The following SEC14L6 variants were observed in gnomAD, a reference collection of about 807,000 sequenced individuals.
SEC14L6 encodes SEC14-like protein 6.
SEC14L6 carries 40 observed loss-of-function variants against 54.1 expected under a neutral mutation model. That is an observed-to-expected ratio of 0.74 (90% CI 0.57 to 0.96). The LOEUF is 0.96. Ranked by LOEUF, SEC14L6 falls within the 40% of genes least tolerant of loss-of-function variation. The probability of loss-of-function intolerance (pLI) is 0.00; values close to 1 mark genes in which losing one functional copy is unlikely to be tolerated. For synonymous variants in SEC14L6, 171 were observed against 198.4 expected, an observed-to-expected ratio of 0.86 and a Z score of 1.16; for missense variants, 471 against 498.3, an observed-to-expected ratio of 0.95 and a Z score of 0.52.
At chr22:30,541,401 GTAATCCCAATACT>G in intron 1 of SEC14L6, among the ~76,000 whole-genome samples, 1 of 152,192 alleles carries the variant, frequency 6.6e-6, no homozygotes, top group East Asian at 1.9e-4. Flanking sequence ...GCTCACGCCT[GTAATCCCAATACT>G]TTGGGAAGCC....
chr22:30,532,050 C>T, intron 5 of SEC14L6, 52 bp from the exon 6 acceptor site: 2 of 1,534,754 alleles, frequency 1.3e-6, no homozygotes, highest in South Asian at 2.5e-5. Flanking sequence ...TGCCCCCACC[C>T]ATCCAAGATG....
In SEC14L6 at chr22:30,532,699, G is replaced by A. The variant is rs1460854714; in HGVS notation, c.249C>T (p.Tyr83=). Residue 83 remains tyrosine (Y), a synonymous_variant, in exon 5 of 12, where the codon TAC becomes TAT. Coordinates refer to ENST00000402034, the MANE Select transcript of SEC14L6 (RefSeq NM_001193336.4). Reference sequence around the variant, plus strand: ...CGTGGCCGCATATGCCGTTAGCGTTGTACAGCCTGACCACCTGGATGCATA... The same window carrying A: ...CGTGGCCGCATATGCCGTTAGCGTTATACAGCCTGACCACCTGGATGCATA... ...AWQPPEVVRL[Y]NANGICGHDG... The A allele has an allele frequency of 1.3e-6, 2 of 1,563,222 alleles. No individual in the cohort carries two copies. The highest frequency in any genetic ancestry group is 1.4e-5 in the African/African-American group (1 of 73,584).
Position 30,528,422 on chromosome 22 carries a change from C to CTTTTT in SEC14L6, c.664+660_664+664dup, listed in dbSNP as rs375073961. Reference sequence around the variant, plus strand: ...AGGCGTGAACCACCGCGCTCGGCCTCTTTTTTTTTTTTTTTTTTTGAGATA... The same window carrying CTTTTT: ...AGGCGTGAACCACCGCGCTCGGCCTCTTTTTTTTTTTTTTTTTTTTTTTTGAGATA... On this transcript the variant is annotated intron_variant, in intron 8 of 11. Coordinates refer to ENST00000402034, the MANE Select transcript of SEC14L6 (RefSeq NM_001193336.4). 3.8e-5 allele frequency among the ~76,000 whole-genome samples: 4 copies of CTTTTT among 105,536 alleles called. 1 individual carries two copies. Among genetic ancestry groups the CTTTTT allele is most frequent in the South Asian group, 3.2e-4 (1 of 3,148 alleles). 69.2% of individuals were successfully genotyped at this position (105,536 alleles called of 152,430 possible).
chr22:30,532,827 C>T lies in SEC14L6; in HGVS notation c.204G>A (p.Leu68=), dbSNP rs1350370411. The part of the protein sequence containing the change: ...KHMEFRKQQD[L]ANILAWQPPE... ...GGGGCTGCCAGGCAAGGATGTTGGC[C>T]AGGTCTTGTTGCTTCCGGAACTCCA... Residue 68 remains leucine (L), a synonymous_variant, in exon 4 of 12, where the codon CTG becomes CTA. Coordinates refer to ENST00000402034, the MANE Select transcript of SEC14L6 (RefSeq NM_001193336.4). 7 of 1,613,744 alleles carry T rather than the reference C, an allele frequency of 4.3e-6. No homozygotes were observed. Among genetic ancestry groups the T allele is most frequent in the South Asian group, 1.1e-5 (1 of 91,062 alleles).
In SEC14L6 at chr22:30,529,100, C is replaced by T. The variant is rs907312741; in HGVS notation, c.651G>A (p.Val217=). 5.2e-6 allele frequency: 8 copies of T among 1,551,026 alleles called. No homozygotes were observed. In the African/African-American group the frequency reaches 9.6e-5, roughly 19 times the overall value. The change falls in exon 8 of 12, where the codon GTG becomes GTA. Residue 217 remains valine (V), a synonymous_variant. Coordinates refer to ENST00000402034, the MANE Select transcript of SEC14L6 (RefSeq NM_001193336.4). ...GGGCTCACTCACCTCCGAGAATCAC[C>T]ACCTTCCTGCGTGTCTCTTCACTCA... ...SYMSEETRRK[V]VILGDNWKQE... is the part of the protein sequence containing the mutation.
At chr22:30,525,132 A>C (rs1234773354) in intron 11 of SEC14L6, 23 bp from the exon 12 acceptor site, 1 of 1,407,392 alleles carries the variant, frequency 7.1e-7, no homozygotes. Flanking sequence ...ACAGACATTC[A>C]GACAAGATGC....
At chr22:30,543,831 C>A (rs966195752) in intron 1 of SEC14L6, 2 of 1,507,444 alleles carry the variant, frequency 1.3e-6, no homozygotes, top group Non-Finnish European at 1.8e-6. Flanking sequence ...GAAAAATAAC[C>A]CAGGACACAA....
At chr22:30,545,779 T>G (rs1282102990) in intron 1 of SEC14L6, among the ~76,000 whole-genome samples, 1 of 152,162 alleles carries the variant, frequency 6.6e-6, no homozygotes, top group African/African-American at 2.4e-5. Flanking sequence ...TCATTAAACT[T>G]TACTTCAATT....
intron 1 of SEC14L6, among the ~76,000 whole-genome samples, chr22:30,542,282 G>A (rs1479054864): frequency 6.6e-6 from 1 of 152,204 alleles, no homozygotes; most frequent in Non-Finnish European, 1.5e-5. Flanking sequence ...CTCTTGGGGA[G>A]GGTTAAAAGG....
intron 1 of SEC14L6, chr22:30,544,042 T>C: frequency 6.5e-7 from 1 of 1,549,536 alleles, no homozygotes; most frequent in Non-Finnish European, 8.9e-7. Flanking sequence ...GCCCGAGCTG[T>C]CCTTCTCAGA....
Position 30,532,500 on chromosome 22 carries a change from G to A in SEC14L6, c.423+25C>T, listed in dbSNP as rs11704303. ...GGTGAGGGTGCTGTGTCCGGCTGCA[G>A]CTGCCCAGGGTGGCACCCACACACC... On this transcript the variant is annotated intron_variant, in intron 5 of 11. Transcript: ENST00000402034. The A allele has an allele frequency of 2.6e-6, 4 of 1,532,280 alleles. No homozygotes were observed. In the Admixed American group the frequency reaches 8.0e-5, roughly 31 times the overall value. The allele number at this position is 1,532,280 out of a possible 1,614,324, so 94.9% of individuals were successfully genotyped here.
intron 8 of SEC14L6, among the ~76,000 whole-genome samples, chr22:30,528,470 CT>C (rs1936856217): frequency 7.0e-6 from 1 of 142,044 alleles, no homozygotes; most frequent in Non-Finnish European, 1.5e-5. Context: ...GTCACTCAAG[CT>C]GGAGTTTAGT....
At chr22:30,529,411 G>A (rs1299413465) in intron 6 of SEC14L6, 62 bp from the exon 7 acceptor site, 13 of 1,352,106 alleles carry the variant, frequency 9.6e-6, no homozygotes, top group Middle Eastern at 3.6e-4. Flanking sequence ...ATCCCCTCTC[G>A]CCCCACCCTC....
At position 30,532,678 on chromosome 22, in the gene SEC14L6, G is replaced by C. The variant is rs937316122; in HGVS notation, c.270C>G (p.Gly90=). The C allele has an allele frequency of 2.6e-6, 4 of 1,553,350 alleles. No individual in the cohort carries two copies. The highest frequency in any genetic ancestry group is 3.5e-6 in the Non-Finnish European group (4 of 1,148,458). ...AGACAGGGCTGCCCTCACCGTCGTGGCCGCATATGCCGTTAGCGTTGTACA... is the reference window on the plus strand; with the variant it reads ...AGACAGGGCTGCCCTCACCGTCGTGCCCGCATATGCCGTTAGCGTTGTACA... The part of the protein sequence containing the change: ...VRLYNANGIC[G]HDGEGSPVWY... The change falls in exon 5 of 12, where the codon GGC becomes GGG. Residue 90 remains glycine (G), a synonymous_variant. Coordinates refer to ENST00000402034, the MANE Select transcript of SEC14L6 (RefSeq NM_001193336.4).
At position 30,544,703 on chromosome 22, in the gene SEC14L6, G is replaced by A. The variant is rs1024893204; in HGVS notation, c.54+1926C>T. The stretch of plus-strand genomic sequence containing the variant: ...CAAAGGACTGGAGACAAAACCCTCC[G>A]CTTCCTCAGGTCCCTCCAAGACTCC... On this transcript the variant is annotated intron_variant, in intron 1 of 11. Coordinates refer to ENST00000402034, the MANE Select transcript of SEC14L6 (RefSeq NM_001193336.4). Among the ~76,000 whole-genome samples, 89 of 152,194 alleles carry A rather than the reference G, an allele frequency of 5.8e-4. 1 individual carries two copies. Among genetic ancestry groups the A allele is most frequent in the African/African-American group, 1.4e-3 (58 of 41,546 alleles).
At chr22:30,533,470 G>A (rs1054066781) in intron 3 of SEC14L6, among the ~76,000 whole-genome samples, 5 of 152,108 alleles carry the variant, frequency 3.3e-5, no homozygotes, top group African/African-American at 1.2e-4. Context: ...GTGTGGTAGT[G>A]CATGCCTGTA....
rs149931536 is a variant in SEC14L6 at position 30,527,664 on chromosome 22, A to G, written c.664+1423T>C. 3.0e-3 allele frequency among the ~76,000 whole-genome samples: 455 copies of G among 150,258 alleles called. 1 individual carries two copies. The highest frequency in any genetic ancestry group is 5.3e-3 in the Non-Finnish European group (356 of 67,680). On this transcript the variant is annotated intron_variant, in intron 8 of 11. Transcript: ENST00000402034. ...CTGGAGGTCGAGGCTGCAGTGAGCC[A>G]AGATCATGTCACTGTACTCCAGCCT...
At chr22:30,539,422 G>C (rs142797226) in intron 1 of SEC14L6, among the ~76,000 whole-genome samples, 102 of 152,282 alleles carry the variant, frequency 6.7e-4, no homozygotes, top group African/African-American at 2.5e-3. Flanking sequence ...AGAATTAAAT[G>C]TGGATTAAAC....
chr22:30,532,426 G>C (rs1431615889), intron 5 of SEC14L6, 99 bp downstream of exon 5: 9 of 1,364,802 alleles, frequency 6.6e-6, no homozygotes, highest in Non-Finnish European at 8.8e-6. Context: ...AGGAGGAGCC[G>C]AGGAGCCCAG....
Sources: gnomAD v4.1 joint callset for allele counts (sites outside exome capture counted in the v4.1 genomes callset) on GRCh38, gnomAD v4.1.1 for gene constraint, MANE v1.5 for transcripts, NCBI Gene and HGNC (gene_info 2026-07-23, HGNC 2026-07-21) for gene names.